ZFAT: variants seen among roughly 807,000 people sequenced by gnomAD.
ZFAT encodes the protein zinc finger and AT-hook domain containing, also known as zinc finger protein ZFAT.
ZFAT carries 64 observed loss-of-function variants against 117.7 expected under a neutral mutation model. The ratio of observed to expected loss-of-function variants is 0.54; its 90% CI spans 0.44 to 0.67. The LOEUF is 0.67. Among genes scored for constraint, ZFAT ranks in the 30% least tolerant of loss-of-function variants. The pLI is 0.00. For missense variants in ZFAT, 1,433 were observed against 1,584.5 expected, an observed-to-expected ratio of 0.90 and a Z score of 1.62; for synonymous variants, 679 against 615.0, an observed-to-expected ratio of 1.10 and a Z score of -1.54.
chr8:134,614,197 C>T (rs570543756), intron 3 of ZFAT, among the ~76,000 whole-genome samples: 1 of 152,304 alleles, frequency 6.6e-6, no homozygotes, highest in East Asian at 1.9e-4. Flanking sequence ...CAAGAATTGC[C>T]ATAAATCCTC....
intron 3 of ZFAT, among the ~76,000 whole-genome samples, chr8:134,612,184 C>A (rs986420133): frequency 3.3e-5 from 5 of 152,252 alleles, no homozygotes; most frequent in Non-Finnish European, 7.3e-5. Context: ...GCACAGGGAA[C>A]AATTCCACAT....
chr8:134,767,716 T>C, the ZFAT span, among the ~76,000 whole-genome samples: 7 of 152,210 alleles, frequency 4.6e-5, no homozygotes, highest in Admixed American at 3.9e-4. Flanking sequence ...AAGAAGTGTA[T>C]TTCTCACTTT....
At chr8:134,587,470 C>T (rs78623193) in intron 9 of ZFAT, among the ~76,000 whole-genome samples, 1 of 152,124 alleles carries the variant, frequency 6.6e-6, no homozygotes, top group Non-Finnish European at 1.5e-5. Context: ...GAAAATACTT[C>T]ATCCTTCATC....
intron 10 of ZFAT, 137 bp from the exon 11 acceptor site, chr8:134,565,558 C>T (rs972043442): frequency 8.5e-6 from 7 of 825,898 alleles, no homozygotes; most frequent in Admixed American, 4.3e-5. Flanking sequence ...GGAACAGCGA[C>T]GAGGTGCACA....
intron 1 of ZFAT, among the ~76,000 whole-genome samples, chr8:134,665,916 T>C (rs1193358579): frequency 6.6e-6 from 1 of 152,104 alleles, no homozygotes; most frequent in African/African-American, 2.4e-5. Flanking sequence ...AGGGAGCTGG[T>C]ATTGTTGACA....
chr8:134,506,747 T>A (rs985245755), intron 15 of ZFAT, among the ~76,000 whole-genome samples: 5 of 152,246 alleles, frequency 3.3e-5, no homozygotes, highest in Admixed American at 6.5e-5. Flanking sequence ...GAAATAAATT[T>A]TGAAATGTTT....
chr8:134,642,951 T>C (rs995618612), intron 2 of ZFAT, among the ~76,000 whole-genome samples: 1 of 152,266 alleles, frequency 6.6e-6, no homozygotes, highest in Non-Finnish European at 1.5e-5. Context: ...AGGGACAGAC[T>C]GCATCCTGTT....
the ZFAT span, among the ~76,000 whole-genome samples, chr8:134,756,601 A>G: frequency 1.3e-5 from 2 of 152,228 alleles, no homozygotes; most frequent in Non-Finnish European, 2.9e-5. Context: ...GATGCTGGGC[A>G]CACTGCCTGC....
the ZFAT span, among the ~76,000 whole-genome samples, chr8:134,758,921 C>T: frequency 6.6e-6 from 1 of 152,116 alleles, no homozygotes; most frequent in African/African-American, 2.4e-5. Flanking sequence ...TGGTGCTCCA[C>T]CTTTGGGGCA....
the ZFAT span, among the ~76,000 whole-genome samples, chr8:134,805,524 A>T: frequency 6.6e-6 from 1 of 152,218 alleles, no homozygotes; most frequent in South Asian, 2.1e-4. Flanking sequence ...AACAAAGAGG[A>T]TAATAAAAGA....
At chr8:134,765,289 G>C in the ZFAT span, 1 of 152,212 alleles carries the variant, frequency 6.6e-6, no homozygotes, top group African/African-American at 2.4e-5. Context: ...TGGGGTCACT[G>C]AGGCCTACTG....
chr8:134,670,458 T>C (rs537455063), intron 1 of ZFAT, among the ~76,000 whole-genome samples: 2 of 152,284 alleles, frequency 1.3e-5, no homozygotes, highest in East Asian at 3.9e-4. Context: ...TCAATCAAAA[T>C]CGCTCAACTA....
At chr8:134,789,184 G>A in the ZFAT span, among the ~76,000 whole-genome samples, 2 of 152,062 alleles carry the variant, frequency 1.3e-5, no homozygotes, top group African/African-American at 4.8e-5. Flanking sequence ...TAGTGCTTAA[G>A]AGATTACAAC....
the ZFAT span, among the ~76,000 whole-genome samples, chr8:134,767,802 A>G: frequency 1.3e-5 from 2 of 152,178 alleles, no homozygotes; most frequent in South Asian, 4.1e-4. Flanking sequence ...AATTTTTACT[A>G]TGTTGTAAAT....
chr8:134,591,431 A>C (rs1225463525), intron 7 of ZFAT, among the ~76,000 whole-genome samples: 2 of 152,228 alleles, frequency 1.3e-5, no homozygotes, highest in African/African-American at 4.8e-5. Context: ...TTTGTGAATT[A>C]CCAAGCTATG....
At chr8:134,708,061 A>G (rs1227098670) in intron 1 of ZFAT, among the ~76,000 whole-genome samples, 1 of 152,234 alleles carries the variant, frequency 6.6e-6, no homozygotes, top group Admixed American at 6.5e-5. Context: ...ACTGGAGAAC[A>G]CTGTCCTAAG....
rs1240240112 is a variant in ZFAT, at chr8:134,550,317, A to AAAAAAAAAAC, written c.2976+15015_2976+15016insGTTTTTTTTT. Among the ~76,000 whole-genome samples, 13 of 147,284 alleles carry AAAAAAAAAAC rather than the reference A, an allele frequency of 8.8e-5. No homozygotes were observed. In the East Asian group the frequency reaches 1.9e-3, roughly 22 times the overall value. On this transcript the variant is annotated intron_variant, in intron 11 of 15. Coordinates refer to ENST00000377838, the MANE Select transcript of ZFAT (RefSeq NM_020863.4). ...CCAGGGTTGGTCACAACGGAAAAAA[A>AAAAAAAAAAC]AAAAAAAAAAAAAAACAGCACAGGG...
intron 12 of ZFAT, among the ~76,000 whole-genome samples, chr8:134,529,371 G>T (rs1821245708): frequency 6.6e-6 from 1 of 152,188 alleles, no homozygotes; most frequent in African/African-American, 2.4e-5. Flanking sequence ...GTATTTTAAG[G>T]GGAGGAAAGG....
At chr8:134,525,585 G>A (rs1224072594) in intron 12 of ZFAT, among the ~76,000 whole-genome samples, 1 of 152,182 alleles carries the variant, frequency 6.6e-6, no homozygotes, top group Admixed American at 6.5e-5. Flanking sequence ...TTCCGTGTCA[G>A]TGGAATCAAG....
Sources: allele counts gnomAD v4.1 joint callset (sites outside exome capture counted in the v4.1 genomes callset), GRCh38; gene constraint gnomAD v4.1.1; transcripts MANE v1.5; gene names NCBI Gene and HGNC (gene_info 2026-07-23, HGNC 2026-07-21).